Variants in PRKN observed in about 807,000 individuals in gnomAD.
PRKN encodes the protein E3 ubiquitin-protein ligase parkin.
Under a neutral mutation model 59.5 loss-of-function variants are expected in PRKN, and 56 were observed. The ratio of observed to expected loss-of-function variants is 0.94; its 90% CI spans 0.76 to 1.18. The LOEUF (loss-of-function observed/expected upper bound fraction) is 1.18. Among genes scored for constraint, PRKN ranks in the 50% most tolerant of loss-of-function variants. The pLI, the probability that PRKN is intolerant of heterozygous loss-of-function variation, is 0.00. For synonymous variants in PRKN, 250 were observed against 222.1 expected, an observed-to-expected ratio of 1.13 and a Z score of -1.12; for missense variants, 657 against 596.4, an observed-to-expected ratio of 1.10 and a Z score of -1.06.
intron 9 of PRKN, among the ~76,000 whole-genome samples, chr6:161,495,956 C>T (rs1318099543): frequency 6.6e-6 from 1 of 152,196 alleles, no homozygotes; most frequent in African/African-American, 2.4e-5. Context: ...TTCTCAGCAT[C>T]CGTGCACAGG....
At position 161,591,967 on chromosome 6, in the gene PRKN, G is replaced by A. The variant is rs1392580504; in HGVS notation, c.872-22551C>T. 4.6e-5 allele frequency among the ~76,000 whole-genome samples: 7 copies of A among 151,894 alleles called. No individual in the cohort carries two copies. The South Asian group carries it at 1.5e-3, about 32-fold the overall frequency. On this transcript the variant is annotated intron_variant, in intron 7 of 11. Coordinates refer to ENST00000366898, the MANE Select transcript of PRKN (RefSeq NM_004562.3). ...GAGTATTGATTCCACTACTCCTTTG[G>A]GATGCCAAAGTGACAATTGCTCAAG...
chr6:161,679,940 G>A (rs1396328004), intron 7 of PRKN, among the ~76,000 whole-genome samples: 2 of 151,458 alleles, frequency 1.3e-5, no homozygotes, highest in Non-Finnish European at 2.9e-5. Flanking sequence ...ATTTTTAGTA[G>A]AGACGGGGTT....
intron 4 of PRKN, among the ~76,000 whole-genome samples, chr6:162,149,483 A>T (rs1244967985): frequency 6.6e-6 from 1 of 152,046 alleles, no homozygotes; most frequent in Non-Finnish European, 1.5e-5. Flanking sequence ...ACCTCAAATG[A>T]TCCGCCTCTT....
chr6:162,188,484 G>A lies in PRKN; in HGVS notation c.534+12647C>T, dbSNP rs77892654. ...TCTGCCTTTTCCTTCTCTACAGTCA[G>A]TACTGGATCAATGTCCACATAGGCC... On this transcript the variant is annotated intron_variant, in intron 4 of 11. Transcript: ENST00000366898. 2.3e-3 allele frequency among the ~76,000 whole-genome samples: 357 copies of A among 152,230 alleles called. 1 individual carries two copies. The highest frequency in any genetic ancestry group is 8.0e-3 in the African/African-American group (333 of 41,542).
chr6:162,598,949 C>T (rs763283215), intron 1 of PRKN, among the ~76,000 whole-genome samples: 11 of 151,922 alleles, frequency 7.2e-5, no homozygotes, highest in Admixed American at 3.9e-4. Context: ...CCCTTCCCTC[C>T]AGACAAATTA....
chr6:162,665,071 G>T (rs1394588666), intron 1 of PRKN, among the ~76,000 whole-genome samples: 1 of 152,018 alleles, frequency 6.6e-6, no homozygotes, highest in African/African-American at 2.4e-5. Context: ...CCCACAGCCA[G>T]CATCATATTG....
chr6:162,027,107 C>T (rs1783465002), intron 5 of PRKN, among the ~76,000 whole-genome samples: 1 of 152,086 alleles, frequency 6.6e-6, no homozygotes, highest in South Asian at 2.1e-4. Flanking sequence ...ACTTCAGAAC[C>T]CTCACTTATG....
intron 3 of PRKN, among the ~76,000 whole-genome samples, chr6:162,220,826 A>G (rs1777895746): frequency 6.6e-6 from 1 of 152,250 alleles, no homozygotes; most frequent in Non-Finnish European, 1.5e-5. Flanking sequence ...CATGGATTTC[A>G]GCAGGGATTT....
chr6:162,139,306 A>G (rs949200347), intron 4 of PRKN, among the ~76,000 whole-genome samples: 1 of 152,226 alleles, frequency 6.6e-6, no homozygotes, highest in Admixed American at 6.5e-5. Flanking sequence ...AAGTCCTTGT[A>G]GATTAAAATT....
intron 1 of PRKN, among the ~76,000 whole-genome samples, chr6:162,653,692 TATA>T (rs1778533169): frequency 6.6e-6 from 1 of 152,172 alleles, no homozygotes; most frequent in African/African-American, 2.4e-5. Flanking sequence ...GACAAATCGT[TATA>T]ATATCTACTT....
intron 7 of PRKN, among the ~76,000 whole-genome samples, chr6:161,612,491 C>T (rs1424514429): frequency 6.6e-6 from 1 of 152,042 alleles, no homozygotes; most frequent in Non-Finnish European, 1.5e-5. Flanking sequence ...GAGGCCGAAG[C>T]AGGTGGATCA....
Position 162,011,314 on chromosome 6 carries a change from AT to A in PRKN, c.619-37898del, listed in dbSNP as rs1171497099. ...GTAATATAGTATATATTTATGATAT[AT>A]TTTTATAATATATATAATATATTAT... On this transcript the variant is annotated intron_variant, in intron 5 of 11. Coordinates refer to ENST00000366898, the MANE Select transcript of PRKN (RefSeq NM_004562.3). Among the ~76,000 whole-genome samples the A allele has an allele frequency of 4.9e-3, 148 of 30,260 alleles. 13 individuals carry two copies. Among genetic ancestry groups the A allele is most frequent in the African/African-American group, 0.024 (146 of 5,978 alleles). The allele number at this position is 30,260 out of a possible 152,430, so 19.9% of individuals were successfully genotyped here.
chr6:161,660,470 G>C (rs1220603766), intron 7 of PRKN, among the ~76,000 whole-genome samples: 1 of 152,108 alleles, frequency 6.6e-6, no homozygotes, highest in Non-Finnish European at 1.5e-5. Context: ...AAAACTAAAA[G>C]GTCATTTCTG....
intron 11 of PRKN, among the ~76,000 whole-genome samples, chr6:161,358,529 C>T (rs574805595): frequency 6.6e-6 from 1 of 152,194 alleles, no homozygotes; most frequent in East Asian, 1.9e-4. Flanking sequence ...GCAGGAGAAT[C>T]TCTTGAACTC....
Position 161,755,454 on chromosome 6 carries a change from C to A in PRKN, c.871+30318G>T, listed in dbSNP as rs532677724. 2.0e-5 allele frequency among the ~76,000 whole-genome samples: 3 copies of A among 152,036 alleles called. No individual in the cohort carries two copies. In the South Asian group the frequency reaches 6.3e-4, roughly 32 times the overall value. ...TAACACAAAAGGGACTCAGTAATAT[C>A]GAAGGGTTATGGATATATATTCCTA... On this transcript the variant is annotated intron_variant, in intron 7 of 11. Coordinates refer to ENST00000366898, the MANE Select transcript of PRKN (RefSeq NM_004562.3).
At chr6:162,620,183 T>G (rs2803041) in intron 1 of PRKN, among the ~76,000 whole-genome samples, 80,738 of 151,554 alleles carry the variant, frequency 0.53, 22,274 homozygotes, top group African/African-American at 0.64. Context: ...TTTACTTTTA[T>G]CTCCTCAACA....
intron 1 of PRKN, among the ~76,000 whole-genome samples, chr6:162,667,434 T>A (rs1779142785): frequency 6.6e-6 from 1 of 152,108 alleles, no homozygotes; most frequent in African/African-American, 2.4e-5. Flanking sequence ...GTATGTAGAT[T>A]ATGACAAAAA....
chr6:161,709,764 T>G (rs1432642675), intron 7 of PRKN, among the ~76,000 whole-genome samples: 1 of 152,212 alleles, frequency 6.6e-6, no homozygotes. Flanking sequence ...TTCCATGTAT[T>G]AAGCTTTAAG....
chr6:162,566,370 A>G (rs1780079697), intron 1 of PRKN, among the ~76,000 whole-genome samples: 1 of 152,282 alleles, frequency 6.6e-6, no homozygotes, highest in South Asian at 2.1e-4. Flanking sequence ...AAAGTCAAAC[A>G]AAATAGACAA....
Sources: allele counts gnomAD v4.1 joint callset (sites outside exome capture counted in the v4.1 genomes callset), GRCh38; gene constraint gnomAD v4.1.1; transcripts MANE v1.5; gene names NCBI Gene and HGNC (gene_info 2026-07-23, HGNC 2026-07-21).